Variants in NEBL observed in about 807,000 individuals in gnomAD.
The protein encoded by NEBL is nebulette.
A neutral mutation model predicts 140.2 loss-of-function variants in NEBL; 122 were observed. That is an observed-to-expected ratio of 0.87 (90% CI 0.75 to 1.01). The LOEUF is 1.01. Ranked by LOEUF, NEBL falls within the 50% of genes least tolerant of loss-of-function variation. NEBL has a pLI of 0.00. For missense variants in NEBL, 1,365 were observed against 1,231.3 expected (o/e 1.11, Z -1.62); for synonymous variants, 436 against 398.9 (o/e 1.09, Z -1.11).
rs1033147570 is a variant in NEBL, at chr10:20,781,242, G to A, written c.*4505C>T. On this transcript the variant is annotated 3_prime_UTR_variant, in exon 28 of 28. Coordinates refer to ENST00000377122, the MANE Select transcript of NEBL (RefSeq NM_006393.3). Reference sequence around the variant, plus strand: ...TATATTAGTAACATTGTAACATTCCGTGAAGCCCCTTCATTTGCAAAACAT... The same window carrying A: ...TATATTAGTAACATTGTAACATTCCATGAAGCCCCTTCATTTGCAAAACAT... 9 of 152,562 alleles carry A rather than the reference G, an allele frequency of 5.9e-5. No homozygotes were observed. Among genetic ancestry groups the A allele is most frequent in the South Asian group, 4.1e-4 (2 of 4,822 alleles). The allele number at this position is 152,562 out of a possible 1,614,324, so 9.5% of individuals were successfully genotyped here.
At chr10:21,174,103 TC>T in exon 1 of NEBL, 1 of 912,620 alleles carries the variant, frequency 1.1e-6, no homozygotes, top group Non-Finnish European at 1.3e-6. Flanking sequence ...TCGCTCGCAC[TC>T]CAGGTACGGG....
chr10:20,936,880 T>C (rs1169666335), intron 4 of NEBL, among the ~76,000 whole-genome samples: 2 of 152,208 alleles, frequency 1.3e-5, no homozygotes, highest in Non-Finnish European at 2.9e-5. Context: ...ACATAAACAC[T>C]AGCTCATATC....
intron 1 of NEBL, among the ~76,000 whole-genome samples, chr10:21,280,605 G>C (rs1400354465): frequency 7.0e-6 from 1 of 143,334 alleles, no homozygotes; most frequent in Non-Finnish European, 1.5e-5. Context: ...AGGTATTTTT[G>C]GTTTTTCTTT....
rs71578946 is a variant in NEBL, at chr10:20,826,418, A to G, written c.1869+29T>C. On this transcript the variant is annotated intron_variant, in intron 18 of 27. Transcript: ENST00000377122. ...TCTATAGTTTTGGTTTGCTTTTAGA[A>G]AAGATAATTAATGCTGTAGAGAACT... The G allele has an allele frequency of 0.01, 16,116 of 1,554,200 alleles. 95 individuals carry two copies. Among genetic ancestry groups the G allele is most frequent in the Middle Eastern group, 0.02 (120 of 5,940 alleles).
At chr10:21,138,408 A>G (rs1839456149) in intron 2 of NEBL, among the ~76,000 whole-genome samples, 1 of 152,188 alleles carries the variant, frequency 6.6e-6, no homozygotes, top group South Asian at 2.1e-4. Flanking sequence ...TCTTTATAAT[A>G]AATGGACTGT....
rs139335971 is a variant in NEBL, at chr10:21,098,860, G to A, written c.164+73523C>T. On this transcript the variant is annotated intron_variant, in intron 2 of 6. Coordinates refer to the NEBL transcript ENST00000417816. Reference sequence around the variant, plus strand: ...TGAGATAAATCTAGCCAGGCATGGCGGCTCACACCTGTAATCTCATAATCC... The same window carrying A: ...TGAGATAAATCTAGCCAGGCATGGCAGCTCACACCTGTAATCTCATAATCC... 2.9e-3 allele frequency among the ~76,000 whole-genome samples: 445 copies of A among 152,286 alleles called. 3 individuals are homozygous for A. Among genetic ancestry groups the A allele is most frequent in the African/African-American group, 9.9e-3 (413 of 41,558 alleles).
chr10:20,819,686 G>A (rs185423300), intron 19 of NEBL, among the ~76,000 whole-genome samples, 170 bp from the exon 20 acceptor site: 12 of 152,158 alleles, frequency 7.9e-5, no homozygotes, highest in Non-Finnish European at 1.5e-4. Context: ...TCTTCTTGGC[G>A]ATGCCAGTCT....
intron 3 of NEBL, among the ~76,000 whole-genome samples, chr10:20,997,998 A>C (rs1475296317): frequency 6.6e-6 from 1 of 152,246 alleles, no homozygotes; most frequent in Non-Finnish European, 1.5e-5. Flanking sequence ...AATGGAGCCA[A>C]AAAATAAATT....
chr10:20,937,455 G>T (rs547439228), intron 4 of NEBL, among the ~76,000 whole-genome samples: 1 of 152,106 alleles, frequency 6.6e-6, no homozygotes, highest in South Asian at 2.1e-4. Context: ...AAAGAGCCAG[G>T]GGGTGGAGAC....
intron 3 of NEBL, among the ~76,000 whole-genome samples, chr10:21,011,379 C>T (rs1838332302): frequency 6.6e-6 from 1 of 152,212 alleles, no homozygotes; most frequent in Non-Finnish European, 1.5e-5. Flanking sequence ...TTTACAAGTC[C>T]GTACCACACG....
chr10:21,136,432 G>A (rs569633622), intron 2 of NEBL, among the ~76,000 whole-genome samples: 4 of 152,208 alleles, frequency 2.6e-5, no homozygotes, highest in Non-Finnish European at 4.4e-5. Context: ...GGGTCCAAGC[G>A]ATCCTCTCAC....
chr10:21,062,391 T>C (rs914354340), intron 2 of NEBL, among the ~76,000 whole-genome samples: 1 of 152,214 alleles, frequency 6.6e-6, no homozygotes, highest in South Asian at 2.1e-4. Context: ...GCTGGTGTAG[T>C]GGCTCTCGCC....
At chr10:21,222,697 G>T (rs935440218) in intron 3 of NEBL, among the ~76,000 whole-genome samples, 2 of 152,136 alleles carry the variant, frequency 1.3e-5, no homozygotes, top group Non-Finnish European at 2.9e-5. Context: ...GGGGTAAATG[G>T]AATATCCATC....
chr10:21,105,029 T>C (rs1305346134), intron 2 of NEBL, among the ~76,000 whole-genome samples: 1 of 152,216 alleles, frequency 6.6e-6, no homozygotes, highest in Non-Finnish European at 1.5e-5. Context: ...CATTGATTGA[T>C]CTTTTTTAAG....
At chr10:21,222,211 C>G (rs762274659) in intron 3 of NEBL, among the ~76,000 whole-genome samples, 1 of 151,064 alleles carries the variant, frequency 6.6e-6, no homozygotes, top group Admixed American at 6.6e-5. Context: ...TTTGGGAGGC[C>G]GAGGTGGGAG....
At chr10:21,023,703 A>G (rs1838895977) in intron 2 of NEBL, among the ~76,000 whole-genome samples, 1 of 152,022 alleles carries the variant, frequency 6.6e-6, no homozygotes, top group Non-Finnish European at 1.5e-5. Flanking sequence ...TCAAAAATAA[A>G]TAAATAAATA....
At chr10:21,086,776 C>CAAAAAT (rs996289884) in intron 2 of NEBL, among the ~76,000 whole-genome samples, 23 of 152,114 alleles carry the variant, frequency 1.5e-4, no homozygotes, top group East Asian at 5.8e-4. Flanking sequence ...GACCCTGACT[C>CAAAAAT]AAAAATAAAA....
Position 21,124,683 on chromosome 10 carries a change from T to C in NEBL, c.164+47700A>G, listed in dbSNP as rs142619510. On this transcript the variant is annotated intron_variant, in intron 2 of 6. Transcript: ENST00000417816. ...GAAATAAAAACAAGGCCGAGCATAG[T>C]GGGTCATAGCTGGAATCGCAGCACT... 4.2e-3 allele frequency among the ~76,000 whole-genome samples: 640 copies of C among 152,304 alleles called. 5 individuals carry two copies. Among genetic ancestry groups the C allele is most frequent in the African/African-American group, 0.014 (596 of 41,568 alleles).
At chr10:21,233,801 T>C (rs1842302296) in intron 3 of NEBL, among the ~76,000 whole-genome samples, 1 of 142,110 alleles carries the variant, frequency 7.0e-6, no homozygotes, top group South Asian at 2.1e-4. Context: ...ATATATTACA[T>C]ATATAGATAT....
Sources: allele counts gnomAD v4.1 joint callset (sites outside exome capture counted in the v4.1 genomes callset), GRCh38; gene constraint gnomAD v4.1.1; transcripts MANE v1.5; gene names NCBI Gene and HGNC (gene_info 2026-07-23, HGNC 2026-07-21).